The following KLF8 variants were observed in gnomAD, a reference collection of about 807,000 sequenced individuals.
KLF8 encodes the protein KLF transcription factor 8.
A neutral mutation model predicts 18.2 loss-of-function variants in KLF8; 10 were observed. The ratio of observed to expected loss-of-function variants is 0.55; its 90% CI spans 0.34 to 0.93. KLF8 has a LOEUF of 0.93. Among genes scored for constraint, KLF8 ranks in the 40% least tolerant of loss-of-function variants. KLF8 has a pLI of 0.02. For missense variants in KLF8, 264 were observed against 277.9 expected, an observed-to-expected ratio of 0.95 and a Z score of 0.36; for synonymous variants, 109 against 97.3, an observed-to-expected ratio of 1.12 and a Z score of -0.71.
At chrX:56,077,973 A>AC in the KLF8 span, among the ~76,000 whole-genome samples, 1 of 111,411 alleles carries the variant, frequency 9.0e-6, no homozygotes, top group Admixed American at 9.5e-5. Context: ...AATGCTTGTG[A>AC]TTTTTCTACA....
the KLF8 span, among the ~76,000 whole-genome samples, chrX:56,034,662 C>G: frequency 1.8e-5 from 2 of 109,631 alleles, no homozygotes; most frequent in Non-Finnish European, 3.8e-5. Context: ...CATTCAATAT[C>G]CACTTTCTGG....
chrX:56,016,134 C>G, the KLF8 span, among the ~76,000 whole-genome samples: 2 of 111,736 alleles, frequency 1.8e-5, no homozygotes, highest in Admixed American at 1.9e-4. Context: ...GGGTTCACAT[C>G]TTAGCTCAAG....
At chrX:56,158,897 G>A in the KLF8 span, among the ~76,000 whole-genome samples, 6 of 111,117 alleles carry the variant, frequency 5.4e-5, no homozygotes, top group Admixed American at 4.8e-4. Flanking sequence ...CTGCCTGATT[G>A]CCCTGGCCAG....
In KLF8 at chrX:56,265,207, C is replaced by T. The variant is rs762366439; in HGVS notation, c.109C>T (p.Pro37Ser). 1.0e-5 allele frequency: 12 copies of T among 1,203,156 alleles called. No individual in the cohort carries two copies. The Admixed American group carries it at 2.2e-4, about 22-fold the overall frequency. Reference protein sequence around the residue: ...QVTASVRNRDPPEIEYRSNMT... With the variant: ...QVTASVRNRDSPEIEYRSNMT... ...CACTGCTTCTGTTCGGAACAGAGAT[C>T]CCCCTGAGATAGAATACAGAAGTAA... Residue 37 changes from proline (P) to serine (S), a missense_variant, in exon 3 of 6, where the codon CCC (proline) becomes TCC (serine). By Grantham distance (74) the Pro-to-Ser change is moderately conservative. Coordinates refer to ENST00000468660, the MANE Select transcript of KLF8 (RefSeq NM_007250.5).
the KLF8 span, among the ~76,000 whole-genome samples, chrX:56,107,715 C>T: frequency 9.0e-6 from 1 of 111,288 alleles, no homozygotes; most frequent in East Asian, 2.8e-4. Flanking sequence ...AGGTCGCCCT[C>T]CGTGTGCTGC....
chrX:55,997,072 A>T, the KLF8 span, among the ~76,000 whole-genome samples: 1 of 111,778 alleles, frequency 8.9e-6, no homozygotes, highest in African/African-American at 3.2e-5. Context: ...TCTGATGGTT[A>T]GGCAGAGTCT....
At chrX:56,230,550 T>G (rs2066392611), upstream of KLF8, among the ~76,000 whole-genome samples, 1 of 111,574 alleles carries the variant, frequency 9.0e-6, no homozygotes, top group African/African-American at 3.3e-5. Flanking sequence ...ATGAAACCCC[T>G]ACTACAGGGA....
At chrX:56,218,078 C>T in the KLF8 span, among the ~76,000 whole-genome samples, 1 of 111,329 alleles carries the variant, frequency 9.0e-6, no homozygotes, top group East Asian at 2.8e-4. Flanking sequence ...GTTTTACATA[C>T]CAACAGCAGA....
At chrX:56,053,513 G>A in the KLF8 span, among the ~76,000 whole-genome samples, 3 of 98,529 alleles carry the variant, frequency 3.0e-5, no homozygotes, top group Admixed American at 1.1e-4. Context: ...TGTCAGGATC[G>A]TGAAATAATT....
intron 2 of KLF8, among the ~76,000 whole-genome samples, chrX:56,263,945 T>C (rs1381618430): frequency 8.9e-6 from 1 of 112,285 alleles, no homozygotes; most frequent in Non-Finnish European, 1.9e-5. Context: ...AACTCTACCT[T>C]TCCTCATCTT....
At chrX:56,009,108 T>C in the KLF8 span, among the ~76,000 whole-genome samples, 3 of 110,984 alleles carry the variant, frequency 2.7e-5, no homozygotes, top group Non-Finnish European at 5.7e-5. Flanking sequence ...CCTGATCCCA[T>C]GCCTCCCCAA....
chrX:56,152,567 T>C, the KLF8 span, among the ~76,000 whole-genome samples: 12 of 111,417 alleles, frequency 1.1e-4, no homozygotes, highest in African/African-American at 3.6e-4. Flanking sequence ...ACTTTTTCAA[T>C]ATTTTCCAAA....
chrX:56,164,729 C>CTTTTTTTTTTTTTTTTTCTTTTTTTTTT, the KLF8 span, among the ~76,000 whole-genome samples: 1 of 51,920 alleles, frequency 1.9e-5, no homozygotes, highest in Admixed American at 2.5e-4. Context: ...CTTGTTATCT[C>CTTTTTTTTTTTTTTTTTCTTTTTTTTTT]TTTTTTTTTT....
chrX:56,098,149 T>C, the KLF8 span, among the ~76,000 whole-genome samples: 1 of 112,014 alleles, frequency 8.9e-6, no homozygotes, highest in African/African-American at 3.2e-5. Flanking sequence ...TTCCTCCCTT[T>C]CCATGTGGTC....
At chrX:56,061,986 C>CTTTTTTTTTTTTTTTTTTTTTTTTTTTT in the KLF8 span, among the ~76,000 whole-genome samples, 28 of 57,117 alleles carry the variant, frequency 4.9e-4, no homozygotes, top group African/African-American at 2.1e-3. Flanking sequence ...GCAACCCCTG[C>CTTTTTTTTTTTTTTTTTTTTTTTTTTTT]TTTTTTTTTT....
At chrX:55,982,027 G>T in the KLF8 span, among the ~76,000 whole-genome samples, 3 of 110,592 alleles carry the variant, frequency 2.7e-5, no homozygotes, top group African/African-American at 9.9e-5. Flanking sequence ...GGCCATAATG[G>T]AATCCAGAGG....
the KLF8 span, among the ~76,000 whole-genome samples, chrX:55,960,952 T>C: frequency 9.0e-6 from 1 of 111,640 alleles, no homozygotes; most frequent in African/African-American, 3.3e-5. Context: ...CCATCTCATA[T>C]GAAATGACAC....
the KLF8 span, among the ~76,000 whole-genome samples, chrX:56,202,447 T>C: frequency 9.0e-6 from 1 of 111,083 alleles, no homozygotes; most frequent in Non-Finnish European, 1.9e-5. Context: ...TACACTCTTT[T>C]AGTTATTTGT....
the KLF8 span, among the ~76,000 whole-genome samples, chrX:56,076,201 A>G: frequency 9.2e-6 from 1 of 109,288 alleles, no homozygotes; most frequent in Non-Finnish European, 1.9e-5. Flanking sequence ...CAGGTTAGTT[A>G]CATATGTATA....
Sources: allele counts gnomAD v4.1 joint callset (sites outside exome capture counted in the v4.1 genomes callset), GRCh38; gene constraint gnomAD v4.1.1; transcripts MANE v1.5; gene names NCBI Gene and HGNC (gene_info 2026-07-23, HGNC 2026-07-21).